Variants in LRRTM4 observed in about 807,000 individuals in gnomAD.
The protein encoded by LRRTM4 is leucine-rich repeat transmembrane neuronal protein 4.
In LRRTM4, 25 loss-of-function variants were observed where a neutral mutation model predicts 47.6. The ratio of observed to expected loss-of-function variants is 0.53; its 90% confidence interval spans 0.38 to 0.73. The LOEUF (loss-of-function observed/expected upper bound fraction) is 0.73. LRRTM4 is among the 30% of genes least tolerant of loss of function. The probability of loss-of-function intolerance (pLI) is 0.00; values close to 1 mark genes in which losing one functional copy is unlikely to be tolerated. For missense variants in LRRTM4, 638 were observed against 713.4 expected, an observed-to-expected ratio of 0.89 and a Z score of 1.20; for synonymous variants, 311 against 269.5, an observed-to-expected ratio of 1.15 and a Z score of -1.51.
chr2:76,805,276 T>C (rs1316060326), intron 3 of LRRTM4, among the ~76,000 whole-genome samples: 1 of 152,134 alleles, frequency 6.6e-6, no homozygotes, highest in African/African-American at 2.4e-5. Context: ...GAAAGGTACA[T>C]TTACTTATGA....
At chr2:76,755,523 G>C (rs540927508) in intron 3 of LRRTM4, among the ~76,000 whole-genome samples, 7 of 152,136 alleles carry the variant, frequency 4.6e-5, no homozygotes, top group Middle Eastern at 3.4e-3. Flanking sequence ...AAGACAGAGA[G>C]GACAATATAC....
chr2:77,352,792 C>G (rs1054558763), intron 3 of LRRTM4, among the ~76,000 whole-genome samples: 5 of 151,686 alleles, frequency 3.3e-5, no homozygotes, highest in African/African-American at 1.2e-4. Context: ...ATTATAAATG[C>G]CTTTTCAGTG....
intron 3 of LRRTM4, among the ~76,000 whole-genome samples, chr2:76,998,294 T>C (rs1402995991): frequency 2.6e-5 from 4 of 152,058 alleles, no homozygotes; most frequent in African/African-American, 9.7e-5. Context: ...TCCTATTTCC[T>C]ACATAAGTTT....
At chr2:77,186,276 C>G (rs979820749) in intron 3 of LRRTM4, among the ~76,000 whole-genome samples, 5 of 152,056 alleles carry the variant, frequency 3.3e-5, no homozygotes, top group Non-Finnish European at 5.9e-5. Flanking sequence ...AAGATGTGAC[C>G]TCCACGAAGC....
intron 3 of LRRTM4, among the ~76,000 whole-genome samples, chr2:77,368,180 G>C (rs189422289): frequency 1.1e-3 from 171 of 151,754 alleles, no homozygotes; most frequent in African/African-American, 3.8e-3. Flanking sequence ...CCAGGAACAG[G>C]TGTGGGCAGG....
chr2:77,167,817 G>A (rs1672930429), intron 3 of LRRTM4, among the ~76,000 whole-genome samples: 1 of 152,130 alleles, frequency 6.6e-6, no homozygotes, highest in Non-Finnish European at 1.5e-5. Flanking sequence ...GGGGGAAGGT[G>A]GGAGGGATAG....
chr2:76,924,259 A>G (rs910533420), intron 3 of LRRTM4, among the ~76,000 whole-genome samples: 3 of 152,134 alleles, frequency 2.0e-5, no homozygotes, highest in African/African-American at 7.2e-5. Context: ...ATGAGACTGG[A>G]ACTAAGGTAC....
At chr2:77,456,428 C>A (rs1304021689) in intron 3 of LRRTM4, among the ~76,000 whole-genome samples, 3 of 152,114 alleles carry the variant, frequency 2.0e-5, no homozygotes, top group African/African-American at 7.2e-5. Context: ...GCTAACTGTC[C>A]AGGCTTACAA....
intron 3 of LRRTM4, among the ~76,000 whole-genome samples, chr2:77,306,511 T>A (rs1248847428): frequency 1.3e-5 from 2 of 152,238 alleles, no homozygotes; most frequent in Non-Finnish European, 2.9e-5. Context: ...TATGCAAATG[T>A]GATGCCTCTA....
At chr2:77,207,539 T>A (rs1046493119) in intron 3 of LRRTM4, among the ~76,000 whole-genome samples, 1 of 151,840 alleles carries the variant, frequency 6.6e-6, no homozygotes, top group Non-Finnish European at 1.5e-5. Flanking sequence ...TGTGACTTAT[T>A]GTTCATTGCA....
intron 3 of LRRTM4, among the ~76,000 whole-genome samples, chr2:76,909,151 G>C (rs1354389756): frequency 1.3e-5 from 2 of 152,152 alleles, no homozygotes; most frequent in Non-Finnish European, 2.9e-5. Context: ...CAGAGATATA[G>C]ATCAATGGAA....
intron 3 of LRRTM4, among the ~76,000 whole-genome samples, chr2:77,264,137 G>A (rs999218244): frequency 6.6e-6 from 1 of 151,978 alleles, no homozygotes; most frequent in African/African-American, 2.4e-5. Flanking sequence ...AAATACCAGA[G>A]AATGGGTGGC....
chr2:77,040,087 T>A (rs2104172019), intron 3 of LRRTM4, among the ~76,000 whole-genome samples: 1 of 151,346 alleles, frequency 6.6e-6, no homozygotes, highest in South Asian at 2.1e-4. Context: ...CAAAGTATAA[T>A]AAAAACTGTC....
intron 3 of LRRTM4, among the ~76,000 whole-genome samples, chr2:77,482,926 T>C (rs971567375): frequency 1.3e-5 from 2 of 151,510 alleles, no homozygotes; most frequent in African/African-American, 2.4e-5. Context: ...TTTAAGACCA[T>C]CCTGGCCAAC....
intron 3 of LRRTM4, among the ~76,000 whole-genome samples, chr2:77,423,043 T>C (rs1254949082): frequency 1.3e-5 from 2 of 152,220 alleles, no homozygotes; most frequent in South Asian, 2.1e-4. Context: ...ATTTTAATCA[T>C]ATTGTGTTTA....
intron 3 of LRRTM4, among the ~76,000 whole-genome samples, chr2:76,894,525 A>G (rs1216887795): frequency 6.6e-6 from 1 of 152,064 alleles, no homozygotes; most frequent in Non-Finnish European, 1.5e-5. Flanking sequence ...GCCAAAAACA[A>G]CAGGTCAGTT....
intron 3 of LRRTM4, among the ~76,000 whole-genome samples, chr2:76,851,862 T>A (rs1573211141): frequency 1.3e-5 from 2 of 151,604 alleles, no homozygotes; most frequent in African/African-American, 4.8e-5. Context: ...AGGTTTTTGA[T>A]CCTGAATTAT....
At chr2:77,160,243 A>G (rs528807627) in intron 3 of LRRTM4, among the ~76,000 whole-genome samples, 2 of 152,284 alleles carry the variant, frequency 1.3e-5, no homozygotes, top group South Asian at 4.1e-4. Flanking sequence ...GCTTTCACAG[A>G]CTTTTATATA....
intron 3 of LRRTM4, among the ~76,000 whole-genome samples, chr2:76,968,749 C>A (rs1211463303): frequency 6.6e-6 from 1 of 151,674 alleles, no homozygotes; most frequent in Non-Finnish European, 1.5e-5. Context: ...TCCGAAACTA[C>A]CCTTCTCTTA....
Sources: gnomAD v4.1 joint callset for allele counts (sites outside exome capture counted in the v4.1 genomes callset) on GRCh38, gnomAD v4.1.1 for gene constraint, MANE v1.5 for transcripts, NCBI Gene and HGNC (gene_info 2026-07-23, HGNC 2026-07-21) for gene names.